ADAM19: variants seen among roughly 807,000 people sequenced by gnomAD.
The protein encoded by ADAM19 is ADAM metallopeptidase domain 19, also known as disintegrin and metalloproteinase domain-containing protein 19.
ADAM19 carries 65 observed loss-of-function variants against 114.7 expected under a neutral mutation model. The observed-to-expected ratio is 0.57, with a 90% CI of 0.46 to 0.70. ADAM19 has a LOEUF of 0.70. Among genes scored for constraint, ADAM19 ranks in the 30% least tolerant of loss-of-function variants. The probability of loss-of-function intolerance (pLI) is 0.00; values close to 1 mark genes in which losing one functional copy is unlikely to be tolerated. For missense variants in ADAM19, 1,063 were observed against 1,204.7 expected (o/e 0.88, Z 1.74); for synonymous variants, 466 against 460.5 (o/e 1.01, Z -0.15).
intron 3 of ADAM19, among the ~76,000 whole-genome samples, chr5:157,543,488 CT>C (rs1435888006): frequency 6.6e-6 from 1 of 152,120 alleles, no homozygotes; most frequent in African/African-American, 2.4e-5. Context: ...CACAGTGCCC[CT>C]GTAAGATGTT....
chr5:157,502,733 C>T, intron 12 of ADAM19, 70 bp downstream of exon 12: 1 of 1,542,586 alleles, frequency 6.5e-7, no homozygotes, highest in South Asian at 1.2e-5. Context: ...CAATTGTGTT[C>T]TCTTTGACCT....
At chr5:157,519,264 T>C (rs535113618) in intron 6 of ADAM19, among the ~76,000 whole-genome samples, 90 of 152,362 alleles carry the variant, frequency 5.9e-4, no homozygotes, top group Non-Finnish European at 1.1e-3. Context: ...ATGAGGACTG[T>C]GTGCATATGG....
chr5:157,477,990 G>A lies in ADAM19; in HGVS notation c.*2959C>T, dbSNP rs1754642120. ...GCTGAAAGGAATCTATGGCTAGCAG[G>A]CAGTTACAAGATTGAGCCAGGTGCC... is the stretch of plus-strand genomic sequence containing the variant. On this transcript the variant is annotated 3_prime_UTR_variant, in exon 23 of 23. Transcript: ENST00000257527. 3 of 275,746 alleles carry A rather than the reference G, an allele frequency of 1.1e-5. No individual in the cohort carries two copies. The highest frequency in any genetic ancestry group is 7.2e-5 in the South Asian group (2 of 27,644). The allele number at this position is 275,746 out of a possible 1,614,324, so 17.1% of individuals were successfully genotyped here.
chr5:157,571,324 G>T (rs944326000), intron 1 of ADAM19, among the ~76,000 whole-genome samples: 1 of 152,316 alleles, frequency 6.6e-6, no homozygotes, highest in African/African-American at 2.4e-5. Flanking sequence ...GATGGCATTT[G>T]AGTCCTGAGG....
chr5:157,533,572 C>T (rs955129858), intron 4 of ADAM19, among the ~76,000 whole-genome samples: 1 of 152,058 alleles, frequency 6.6e-6, no homozygotes, highest in Admixed American at 6.6e-5. Context: ...GAAGAGGGGC[C>T]GGGCCTGTGT....
At chr5:157,556,209 CTTTTTTTTT>C (rs68078503) in intron 3 of ADAM19, among the ~76,000 whole-genome samples, 92 of 66,324 alleles carry the variant, frequency 1.4e-3, no homozygotes, top group African/African-American at 5.0e-3. Flanking sequence ...TTTTCTTTTT[CTTTTTTTTT>C]TTTTTTTTTT....
In ADAM19 at chr5:157,478,400, G is replaced by C. The variant is rs958338104; in HGVS notation, c.*2549C>G. 5.0e-6 allele frequency: 1 copy of C among 200,630 alleles called. No homozygotes were observed. The highest frequency in any genetic ancestry group is 8.9e-6 in the Non-Finnish European group (1 of 112,504). The allele number at this position is 200,630 out of a possible 1,614,324, so 12.4% of individuals were successfully genotyped here. On this transcript the variant is annotated 3_prime_UTR_variant, in exon 23 of 23. Transcript: ENST00000257527. ...AAAAGAAAAGTCCTTTTCTGCCTGG[G>C]CTTTGAGACGCTTGCAGATCTTGCC... is the stretch of plus-strand genomic sequence containing the variant.
In ADAM19 at chr5:157,480,807, G is replaced by T; in HGVS notation, c.*142C>A. On this transcript the variant is annotated 3_prime_UTR_variant, in exon 23 of 23. Transcript: ENST00000257527. ...CGAGGAGGCACTGAGTCAACAGGGA[G>T]ATTTTTGGAGATGTGGAGGTTCCTG... The T allele has an allele frequency of 1.3e-6, 2 of 1,489,506 alleles. No individual in the cohort carries two copies. Among genetic ancestry groups the T allele is most frequent in the Admixed American group, 5.0e-5 (2 of 39,728 alleles). The allele number at this position is 1,489,506 out of a possible 1,614,324, so 92.3% of individuals were successfully genotyped here. A position where few individuals can be genotyped will look rare whatever the true frequency, so the allele number is the denominator to read the frequency against.
At chr5:157,543,395 G>C (rs1435510523) in intron 3 of ADAM19, among the ~76,000 whole-genome samples, 1 of 152,162 alleles carries the variant, frequency 6.6e-6, no homozygotes, top group Non-Finnish European at 1.5e-5. Flanking sequence ...GCTCTTATAA[G>C]TCGTGTGAAT....
At chr5:157,516,348 C>T (rs1283679776) in intron 7 of ADAM19, among the ~76,000 whole-genome samples, 2 of 152,184 alleles carry the variant, frequency 1.3e-5, no homozygotes, top group Non-Finnish European at 2.9e-5. Flanking sequence ...GAGACACTCT[C>T]CTTTGTAAGA....
At chr5:157,509,721 C>T (rs11134778) in intron 8 of ADAM19, among the ~76,000 whole-genome samples, 11,415 of 152,216 alleles carry the variant, frequency 0.075, 571 homozygotes, top group South Asian at 0.17. Context: ...AAAATGAGAT[C>T]CTGAGAGAGA....
intron 3 of ADAM19, among the ~76,000 whole-genome samples, chr5:157,563,886 A>T (rs1757581169): frequency 6.6e-6 from 1 of 152,234 alleles, no homozygotes; most frequent in African/African-American, 2.4e-5. Flanking sequence ...GAGACTGTTG[A>T]CGATGCCCTG....
chr5:157,535,371 G>A (rs1193190276), intron 4 of ADAM19, among the ~76,000 whole-genome samples: 1 of 152,206 alleles, frequency 6.6e-6, no homozygotes, highest in Non-Finnish European at 1.5e-5. Context: ...GCTACCCCAG[G>A]CCAAGTTTGG....
chr5:157,479,943 G>T lies in ADAM19; in HGVS notation c.*1006C>A, dbSNP rs1754694226. 2.5e-5 allele frequency: 25 copies of T among 985,888 alleles called. No homozygotes were observed. Among genetic ancestry groups the T allele is most frequent in the Non-Finnish European group, 2.9e-5 (24 of 829,986 alleles). The allele number at this position is 985,888 out of a possible 1,614,324, so 61.1% of individuals were successfully genotyped here. On this transcript the variant is annotated 3_prime_UTR_variant, in exon 23 of 23. Coordinates refer to ENST00000257527, the MANE Select transcript of ADAM19 (RefSeq NM_033274.5). ...CCCTGCTGAGGTCACAAAACACAAT[G>T]AAAAATAAACATATGACCCCAATGG...
intron 3 of ADAM19, among the ~76,000 whole-genome samples, chr5:157,547,873 C>G (rs1465732286): frequency 6.6e-6 from 1 of 152,164 alleles, no homozygotes; most frequent in Non-Finnish European, 1.5e-5. Context: ...CACTATGTGA[C>G]TTTTAAAATA....
At chr5:157,558,030 A>G (rs1757413839) in intron 3 of ADAM19, among the ~76,000 whole-genome samples, 1 of 152,196 alleles carries the variant, frequency 6.6e-6, no homozygotes, top group Non-Finnish European at 1.5e-5. Context: ...TTGGGACAAC[A>G]TGGGAAATGC....
At chr5:157,508,478 G>T (rs545344224) in intron 9 of ADAM19, among the ~76,000 whole-genome samples, 5 of 152,176 alleles carry the variant, frequency 3.3e-5, no homozygotes, top group African/African-American at 9.6e-5. Context: ...GCATGGTGGT[G>T]CATGCCTGCT....
At chr5:157,574,487 C>T (rs1757916833) in intron 1 of ADAM19, among the ~76,000 whole-genome samples, 1 of 152,158 alleles carries the variant, frequency 6.6e-6, no homozygotes, top group African/African-American at 2.4e-5. Flanking sequence ...CTGGAAGTTC[C>T]GAACTGTCGG....
intron 21 of ADAM19, among the ~76,000 whole-genome samples, chr5:157,487,758 C>G (rs1032103073): frequency 1.3e-5 from 2 of 152,200 alleles, no homozygotes; most frequent in Non-Finnish European, 2.9e-5. Flanking sequence ...ACTTTCCAAT[C>G]AGTAGAAGGT....
Sources: gnomAD v4.1 joint callset for allele counts (sites outside exome capture counted in the v4.1 genomes callset) on GRCh38, gnomAD v4.1.1 for gene constraint, MANE v1.5 for transcripts, NCBI Gene and HGNC (gene_info 2026-07-23, HGNC 2026-07-21) for gene names.